Variants in SORBS3 observed in about 807,000 individuals in gnomAD.
The protein encoded by SORBS3 is vinexin.
A neutral mutation model predicts 98.0 loss-of-function variants in SORBS3; 69 were observed. That is an observed-to-expected ratio of 0.70 (90% CI 0.58 to 0.86). The LOEUF (loss-of-function observed/expected upper bound fraction) is 0.86. SORBS3 is among the 40% of genes least tolerant of loss of function. SORBS3 has a pLI of 0.00. For missense variants in SORBS3, 954 were observed against 908.5 expected (o/e 1.05, Z -0.64); for synonymous variants, 394 against 355.4 (o/e 1.11, Z -1.22).
intron 5 of SORBS3, 49 bp from the exon 6 acceptor site, chr8:22,561,286 C>A (rs975841923): frequency 6.5e-7 from 1 of 1,539,546 alleles, no homozygotes; most frequent in South Asian, 1.2e-5. Context: ...GGGCACCCTG[C>A]CCTTGCTTTC....
At chr8:22,552,623 C>G (rs534011953) in intron 1 of SORBS3, among the ~76,000 whole-genome samples, 1 of 152,298 alleles carries the variant, frequency 6.6e-6, no homozygotes, top group Admixed American at 6.5e-5. Context: ...CCTACCCATC[C>G]TCCAAGAGAG....
chr8:22,566,567 A>G (rs573958708), intron 13 of SORBS3, 83 bp downstream of exon 13: 2 of 1,582,882 alleles, frequency 1.3e-6, no homozygotes, highest in South Asian at 1.2e-5. Context: ...CAGGTCACAG[A>G]GCCCCTTGCT....
intron 10 of SORBS3, 92 bp from the exon 11 acceptor site, chr8:22,565,176 G>A (rs1039341471): frequency 2.7e-6 from 4 of 1,485,180 alleles, no homozygotes; most frequent in Non-Finnish European, 3.7e-6. Flanking sequence ...GGCCCGGTGC[G>A]CTGGCCTTGC....
chr8:22,563,883 T>C (rs1840347087), intron 7 of SORBS3, 104 bp from the exon 8 acceptor site: 3 of 851,464 alleles, frequency 3.5e-6, no homozygotes, highest in Admixed American at 3.6e-5. Flanking sequence ...AGAGGCAGAG[T>C]AGACCCCACA....
intron 16 of SORBS3, among the ~76,000 whole-genome samples, chr8:22,567,789 A>G (rs893362262): frequency 5.9e-5 from 9 of 151,600 alleles, no homozygotes; most frequent in Admixed American, 5.3e-4. Flanking sequence ...AAAGGTGTTC[A>G]TTATAGTCTC....
chr8:22,565,727 T>C, intron 11 of SORBS3, 99 bp from the exon 12 acceptor site: 1 of 1,244,260 alleles, frequency 8.0e-7, no homozygotes, highest in South Asian at 2.9e-5. Context: ...CCGCCCGCTC[T>C]CCTCCCCTCC....
chr8:22,564,516 A>T lies in SORBS3; in HGVS notation c.811A>T (p.Ile271Phe). 1 of 1,613,968 alleles carries T rather than the reference A, an allele frequency of 6.2e-7. No individual in the cohort carries two copies. The change falls in exon 10 of 21, where the codon ATT becomes TTT. Residue 271 changes from isoleucine to phenylalanine, a missense_variant. Coordinates refer to ENST00000240123, the MANE Select transcript of SORBS3 (RefSeq NM_005775.5). The stretch of plus-strand genomic sequence containing the variant: ...CCCTGGTGAGAAGCCCTCCCAGCCC[A>T]TTGAGGTGAGTGCTGCAGGGTGCTG... ...DDPGEKPSQP[I>F]EVLLERELAE...
upstream of SORBS3, among the ~76,000 whole-genome samples, chr8:22,549,059 G>C (rs190009246): frequency 1.9e-4 from 29 of 152,350 alleles, no homozygotes; most frequent in African/African-American, 6.5e-4. Flanking sequence ...AGCCTCAAGG[G>C]CTTGAGCGGG....
At chr8:22,566,082 C>T (rs1840409997) in intron 12 of SORBS3, 2 of 568,288 alleles carry the variant, frequency 3.5e-6, no homozygotes, top group Admixed American at 4.3e-5. Context: ...TAGCAGAGGA[C>T]CGGGGTCGCG....
chr8:22,565,578 C>T (rs968253560), intron 11 of SORBS3: 1 of 640,440 alleles, frequency 1.6e-6, no homozygotes, highest in Non-Finnish European at 2.2e-6. Context: ...CCTTTCTAAG[C>T]GGACTCCACG....
At chr8:22,569,526 G>T (rs1010769132) in intron 17 of SORBS3, among the ~76,000 whole-genome samples, 3 of 152,202 alleles carry the variant, frequency 2.0e-5, no homozygotes, top group Non-Finnish European at 2.9e-5. Context: ...TTTTAGTAGA[G>T]ACAGGGTTTC....
intron 5 of SORBS3, among the ~76,000 whole-genome samples, chr8:22,558,526 A>G (rs770326606): frequency 6.6e-6 from 1 of 151,538 alleles, no homozygotes; most frequent in Non-Finnish European, 1.5e-5. Context: ...TACTGGAGGC[A>G]TTGCTTTCTT....
chr8:22,561,210 C>A, intron 5 of SORBS3, 125 bp from the exon 6 acceptor site: 1 of 872,994 alleles, frequency 1.1e-6, no homozygotes, highest in Non-Finnish European at 1.8e-6. Flanking sequence ...GGACATTCTT[C>A]AGGCCCTGAC....
chr8:22,554,421 G>A lies in SORBS3; in HGVS notation c.-55-31G>A. ...AGGGCATGGGCAGCCTAGCCTAGCAGGGCTTTCCCTTCCTTCCTCCTTCCC... is the reference window on the plus strand; with the variant it reads ...AGGGCATGGGCAGCCTAGCCTAGCAAGGCTTTCCCTTCCTTCCTCCTTCCC... On this transcript the variant is annotated intron_variant, in intron 1 of 20. Coordinates refer to ENST00000240123, the MANE Select transcript of SORBS3 (RefSeq NM_005775.5). The surrounding 1 kb of genome is among the most constrained non-coding windows in gnomAD (Gnocchi z 6.5). 2.6e-6 allele frequency: 4 copies of A among 1,547,138 alleles called. No homozygotes were observed. The South Asian group carries it at 5.0e-5, about 19-fold the overall frequency.
In SORBS3 at chr8:22,561,864, G is replaced by A. The variant is rs1840302242; in HGVS notation, c.518-1G>A. ...GCTTTCCTCGTGTACCTCCTCTGCA[G>A]ACCCCAGGCATCTAGGAGCCCAGCA... is the stretch of plus-strand genomic sequence containing the variant. On this transcript the variant is annotated splice_acceptor_variant, in intron 6 of 20. Coordinates refer to ENST00000240123, the MANE Select transcript of SORBS3 (RefSeq NM_005775.5). LOFTEE classifies it high-confidence loss of function. 1 of 1,613,946 alleles carries A rather than the reference G, an allele frequency of 6.2e-7. No individual in the cohort carries two copies. The highest frequency in any genetic ancestry group is 1.3e-5 in the African/African-American group (1 of 74,928).
Position 22,566,383 on chromosome 8 carries a change from C to G in SORBS3, c.989C>G (p.Pro330Arg). The G allele has an allele frequency of 6.2e-7, 1 of 1,614,048 alleles. No homozygotes were observed. The highest frequency in any genetic ancestry group is 8.5e-7 in the Non-Finnish European group (1 of 1,179,992). ...TGGAGCTCCAGCTACCCACATGCAC[C>G]TTACCTGGGTTCCGCCCGGTCCCTG... ...SAWSSSYPHA[P>R]YLGSARSLSP... Residue 330 changes from proline (P) to arginine (R), a missense_variant, in exon 13 of 21, where the codon CCT becomes CGT. Coordinates refer to ENST00000240123, the MANE Select transcript of SORBS3 (RefSeq NM_005775.5).
At chr8:22,560,500 C>T (rs948226026) in intron 5 of SORBS3, among the ~76,000 whole-genome samples, 2 of 151,992 alleles carry the variant, frequency 1.3e-5, no homozygotes, top group African/African-American at 4.8e-5. Context: ...TCCCTGGGGC[C>T]AAGTGGAAAG....
chr8:22,549,693 G>A (rs931928829), upstream of SORBS3, among the ~76,000 whole-genome samples: 3 of 152,148 alleles, frequency 2.0e-5, no homozygotes, highest in African/African-American at 4.8e-5. Context: ...AAGTCAAAGC[G>A]GCTCAGGAAG....
chr8:22,556,983 A>G (rs2117225093), intron 4 of SORBS3, 75 bp downstream of exon 4: 1 of 1,531,288 alleles, frequency 6.5e-7, no homozygotes, highest in Non-Finnish European at 8.9e-7. Flanking sequence ...GTGCATTAAA[A>G]TGGGGGTGGG....
Sources: gnomAD v4.1 joint callset for allele counts (sites outside exome capture counted in the v4.1 genomes callset) on GRCh38, gnomAD v4.1.1 for gene constraint, Gnocchi (gnomAD v3.1) non-coding constraint, MANE v1.5 for transcripts, NCBI Gene and HGNC (gene_info 2026-07-23, HGNC 2026-07-21) for gene names.